Variants in CADPS2 observed in about 807,000 individuals in gnomAD.
CADPS2 encodes calcium-dependent secretion activator 2.
Under a neutral mutation model 172.5 loss-of-function variants are expected in CADPS2, and 93 were observed. The ratio of observed to expected loss-of-function variants is 0.54; its 90% confidence interval spans 0.46 to 0.64. The LOEUF (loss-of-function observed/expected upper bound fraction) is 0.64, where lower values mean the gene tolerates loss of function less well. Ranked by LOEUF, CADPS2 falls within the 30% of genes least tolerant of loss-of-function variation. CADPS2 has a pLI of 0.00. For synonymous variants in CADPS2, 546 were observed against 555.2 expected (o/e 0.98, Z 0.23); for missense variants, 1,420 against 1,565.9 (o/e 0.91, Z 1.57).
chr7:122,545,422 T>A (rs2063522813), intron 8 of CADPS2, among the ~76,000 whole-genome samples: 1 of 152,096 alleles, frequency 6.6e-6, no homozygotes, highest in Non-Finnish European at 1.5e-5. Context: ...CATGAACTGA[T>A]CCACTTGGCA....
intron 15 of CADPS2, among the ~76,000 whole-genome samples, chr7:122,442,471 G>A (rs559025332): frequency 9.2e-5 from 14 of 152,186 alleles, no homozygotes; most frequent in African/African-American, 3.1e-4. Flanking sequence ...TTAGAAATCT[G>A]CAAACTAATA....
chr7:122,614,943 T>C (rs2074726326), intron 6 of CADPS2, among the ~76,000 whole-genome samples: 1 of 152,214 alleles, frequency 6.6e-6, no homozygotes, highest in South Asian at 2.1e-4. Flanking sequence ...AATGATTAGC[T>C]TTGCATTTGC....
At chr7:122,706,806 A>T (rs1215506462) in intron 2 of CADPS2, among the ~76,000 whole-genome samples, 2 of 149,738 alleles carry the variant, frequency 1.3e-5, no homozygotes, top group East Asian at 3.9e-4. Flanking sequence ...ATATACACAC[A>T]CACACATATA....
intron 6 of CADPS2, among the ~76,000 whole-genome samples, chr7:122,605,654 AT>A (rs1322009644): frequency 1.3e-5 from 2 of 151,996 alleles, no homozygotes; most frequent in African/African-American, 4.8e-5. Context: ...ATCTATATAT[AT>A]TTTTTCTCTG....
intron 1 of CADPS2, among the ~76,000 whole-genome samples, chr7:122,841,463 T>C (rs931819581): frequency 6.6e-6 from 1 of 152,206 alleles, no homozygotes. Context: ...GGGATCACCA[T>C]AGGATACTTT....
chr7:122,823,751 T>C (rs1804060973), intron 1 of CADPS2, among the ~76,000 whole-genome samples: 1 of 152,172 alleles, frequency 6.6e-6, no homozygotes, highest in Non-Finnish European at 1.5e-5. Context: ...ATATATGACT[T>C]GGAATAGACC....
intron 20 of CADPS2, among the ~76,000 whole-genome samples, chr7:122,405,394 G>A (rs2046521274): frequency 1.3e-5 from 2 of 152,182 alleles, no homozygotes; most frequent in South Asian, 2.1e-4. Flanking sequence ...CAGGTGCAGT[G>A]GCTCACATGT....
intron 27 of CADPS2, among the ~76,000 whole-genome samples, chr7:122,348,253 C>A (rs1458561580): frequency 1.3e-5 from 2 of 152,174 alleles, no homozygotes; most frequent in African/African-American, 4.8e-5. Flanking sequence ...TTACCATAGA[C>A]ACTACGGTAA....
At chr7:122,772,602 A>G (rs917303218) in intron 1 of CADPS2, among the ~76,000 whole-genome samples, 1 of 152,194 alleles carries the variant, frequency 6.6e-6, no homozygotes, top group African/African-American at 2.4e-5. Flanking sequence ...TTAAGGTAAC[A>G]GAAAAATCCA....
chr7:122,760,189 T>C (rs2138701890), intron 1 of CADPS2, among the ~76,000 whole-genome samples: 1 of 151,950 alleles, frequency 6.6e-6, no homozygotes, highest in African/African-American at 2.4e-5. Context: ...CTGTAAAACA[T>C]ATTATTAAGC....
intron 17 of CADPS2, among the ~76,000 whole-genome samples, chr7:122,437,408 A>G (rs2050768522): frequency 6.6e-6 from 1 of 152,056 alleles, no homozygotes; most frequent in Non-Finnish European, 1.5e-5. Flanking sequence ...ATTATCATCA[A>G]TCTTTTTCCC....
At chr7:122,438,618 TG>T (rs2050963225) in intron 16 of CADPS2, among the ~76,000 whole-genome samples, 154 bp from the exon 17 acceptor site, 1 of 152,016 alleles carries the variant, frequency 6.6e-6, no homozygotes, top group African/African-American at 2.4e-5. Context: ...CTAGGTAACC[TG>T]GGGGGATGTA....
At chr7:122,702,221 A>T (rs765076899) in intron 2 of CADPS2, 7 of 1,613,750 alleles carry the variant, frequency 4.3e-6, no homozygotes, top group Non-Finnish European at 5.9e-6. Context: ...CCCCACTTCA[A>T]TGATGACTGT....
chr7:122,875,475 A>T (rs1820968409), intron 1 of CADPS2, among the ~76,000 whole-genome samples: 1 of 152,198 alleles, frequency 6.6e-6, no homozygotes, highest in African/African-American at 2.4e-5. Context: ...GACAAAAATA[A>T]GATAGGAATG....
intron 2 of CADPS2, among the ~76,000 whole-genome samples, chr7:122,696,074 G>T (rs2085043458): frequency 6.6e-6 from 1 of 152,152 alleles, no homozygotes; most frequent in South Asian, 2.1e-4. Flanking sequence ...ACAAATGGTA[G>T]AAATCACTTT....
chr7:122,877,884 T>A (rs1279889969), intron 1 of CADPS2, among the ~76,000 whole-genome samples: 1 of 152,096 alleles, frequency 6.6e-6, no homozygotes, highest in African/African-American at 2.4e-5. Context: ...GAAGGAGTAG[T>A]TAGGTCCCAG....
chr7:122,611,873 G>C (rs188318010), intron 6 of CADPS2, among the ~76,000 whole-genome samples: 1 of 152,004 alleles, frequency 6.6e-6, no homozygotes, highest in African/African-American at 2.4e-5. Context: ...ATGATAGTGG[G>C]AATTGTGCAA....
intron 20 of CADPS2, among the ~76,000 whole-genome samples, chr7:122,393,784 C>T (rs1395563075): frequency 6.6e-6 from 1 of 152,144 alleles, no homozygotes; most frequent in East Asian, 1.9e-4. Flanking sequence ...CTATATATGG[C>T]TGTCAAAACA....
chr7:122,698,533 A>G lies in CADPS2; in HGVS notation c.454-34964T>C, dbSNP rs909332095. ...GTTGCCAGTACCTGGAACGTTATAG[A>G]TGATCACTCCACTGGCTCCCTTCTC... On this transcript the variant is annotated intron_variant, in intron 2 of 29. Coordinates refer to ENST00000449022, the MANE Select transcript of CADPS2 (RefSeq NM_017954.11). The G allele has an allele frequency of 1.2e-6, 2 of 1,613,934 alleles. No individual in the cohort carries two copies. Among genetic ancestry groups the G allele is most frequent in the African/African-American group, 2.7e-5 (2 of 74,914 alleles).
Sources: gnomAD v4.1 joint callset for allele counts (sites outside exome capture counted in the v4.1 genomes callset) on GRCh38, gnomAD v4.1.1 for gene constraint, MANE v1.5 for transcripts, NCBI Gene and HGNC (gene_info 2026-07-23, HGNC 2026-07-21) for gene names.